The following CTPS2 variants were observed in gnomAD, a reference collection of about 807,000 sequenced individuals.
CTPS2 encodes the protein CTP synthase II.
A neutral mutation model predicts 46.8 loss-of-function variants in CTPS2; 19 were observed. The observed-to-expected ratio is 0.41, with a 90% CI of 0.28 to 0.60. The LOEUF is 0.60. CTPS2 is among the 20% of genes least tolerant of loss of function. The pLI, the probability that CTPS2 is intolerant of heterozygous loss-of-function variation, is 0.35. For synonymous variants in CTPS2, 151 were observed against 165.2 expected, an observed-to-expected ratio of 0.91 and a Z score of 0.66; for missense variants, 286 against 447.6, an observed-to-expected ratio of 0.64 and a Z score of 3.26.
At position 16,693,242 on chromosome X, in the gene CTPS2, C is replaced by T. The variant is rs746725933; in HGVS notation, c.556-18G>A. ...GCACTGAGCTGAAAAAAAATGGGGT[C>T]CCGTCAGCACACTGGACACTAGCTC... On this transcript the variant is annotated intron_variant, in intron 5 of 18. Coordinates refer to ENST00000359276, the MANE Select transcript of CTPS2 (RefSeq NM_175859.3). 8.6e-7 allele frequency: 1 copy of T among 1,168,700 alleles called. No homozygotes were observed. Among genetic ancestry groups the T allele is most frequent in the South Asian group, 1.8e-5 (1 of 55,930 alleles).
At chrX:16,631,907 G>A (rs1252448665) in intron 14 of CTPS2, among the ~76,000 whole-genome samples, 2 of 111,571 alleles carry the variant, frequency 1.8e-5, no homozygotes, top group African/African-American at 3.3e-5. Flanking sequence ...TCTTAAAACC[G>A]TCTATTAACT....
At chrX:16,629,382 G>A (rs112607002) in intron 14 of CTPS2, among the ~76,000 whole-genome samples, 1,444 of 111,930 alleles carry the variant, frequency 0.013, 20 homozygotes, top group African/African-American at 0.044. Flanking sequence ...TCGCCAAGTG[G>A]TATGCAGCTC....
At chrX:16,605,490 G>A (rs1427064985) in intron 17 of CTPS2, among the ~76,000 whole-genome samples, 1 of 111,899 alleles carries the variant, frequency 8.9e-6, no homozygotes, top group African/African-American at 3.3e-5. Context: ...GGGAGCCCGA[G>A]GCACACGGAT....
chrX:16,695,541 T>TA (rs1162252432), intron 4 of CTPS2, among the ~76,000 whole-genome samples: 2 of 111,648 alleles, frequency 1.8e-5, no homozygotes, highest in Admixed American at 9.6e-5. Context: ...TTTCTTTTTT[T>TA]ATTTTTATTT....
At chrX:16,695,828 G>A (rs1924087950) in intron 4 of CTPS2, among the ~76,000 whole-genome samples, 1 of 110,677 alleles carries the variant, frequency 9.0e-6, no homozygotes, top group East Asian at 2.9e-4. Context: ...TGGGATTACA[G>A]GCGTGAGCCA....
chrX:16,596,423 A>C (rs1393946887), intron 17 of CTPS2, among the ~76,000 whole-genome samples: 2 of 101,222 alleles, frequency 2.0e-5, no homozygotes, highest in Non-Finnish European at 3.9e-5. Context: ...TTTCCCACCT[A>C]TGAGTGAGAA....
chrX:16,611,984 C>G (rs1178174864), intron 16 of CTPS2, among the ~76,000 whole-genome samples: 1 of 111,415 alleles, frequency 9.0e-6, no homozygotes, highest in East Asian at 2.8e-4. Flanking sequence ...GAAAAAAAAG[C>G]AGACAGTAAC....
intron 13 of CTPS2, among the ~76,000 whole-genome samples, chrX:16,641,567 T>A (rs994123409): frequency 8.9e-6 from 1 of 111,745 alleles, no homozygotes; most frequent in African/African-American, 3.3e-5. Flanking sequence ...GACAATATGG[T>A]CTCTACAAAA....
Position 16,588,150 on chromosome X carries a change from G to A in CTPS2, c.*1667C>T, listed in dbSNP as rs2095410457. 2.1e-5 allele frequency: 2 copies of A among 95,118 alleles called. No homozygotes were observed. The highest frequency in any genetic ancestry group is 4.0e-5 in the Non-Finnish European group (2 of 49,470). 7.8% of individuals were successfully genotyped at this position (95,118 alleles called of 1,213,427 possible). A position where few individuals can be genotyped will look rare whatever the true frequency, so the allele number is the denominator to read the frequency against. On this transcript the variant is annotated 3_prime_UTR_variant, in exon 19 of 19. Coordinates refer to ENST00000359276, the MANE Select transcript of CTPS2 (RefSeq NM_175859.3). ...TTGGGCTCTCAATGCAATAGAAACT[G>A]ACATGGGGCCAAAAGACTTCCCAGA...
At chrX:16,603,442 A>G (rs1929789574) in intron 17 of CTPS2, among the ~76,000 whole-genome samples, 1 of 108,958 alleles carries the variant, frequency 9.2e-6, no homozygotes, top group African/African-American at 3.3e-5. Context: ...TAAATAAATA[A>G]ATAAATAAAT....
At chrX:16,685,024 G>C (rs1269558176) in intron 8 of CTPS2, among the ~76,000 whole-genome samples, 1 of 111,253 alleles carries the variant, frequency 9.0e-6, no homozygotes, top group African/African-American at 3.3e-5. Flanking sequence ...CCAGGAGGCA[G>C]GGGTTGCAGT....
intron 1 of CTPS2, among the ~76,000 whole-genome samples, chrX:16,708,269 T>C (rs1358469117): frequency 9.0e-6 from 1 of 111,567 alleles, no homozygotes; most frequent in Non-Finnish European, 1.9e-5. Flanking sequence ...TAGCTGACCA[T>C]GGTCAGGCTG....
intron 8 of CTPS2, among the ~76,000 whole-genome samples, chrX:16,687,912 A>G (rs1923371098): frequency 9.0e-6 from 1 of 111,128 alleles, no homozygotes; most frequent in African/African-American, 3.3e-5. Flanking sequence ...AATTGCCACT[A>G]GGTAGGCACT....
intron 10 of CTPS2, among the ~76,000 whole-genome samples, chrX:16,675,604 T>C (rs1303717146): frequency 8.9e-6 from 1 of 112,444 alleles, no homozygotes; most frequent in African/African-American, 3.2e-5. Context: ...AAAATTGTTG[T>C]AAGCCACAGA....
chrX:16,665,841 C>T (rs1216615833), intron 13 of CTPS2, among the ~76,000 whole-genome samples: 4 of 112,090 alleles, frequency 3.6e-5, no homozygotes, highest in African/African-American at 1.3e-4. Context: ...ACCAACGCCT[C>T]CTGGGTTCAA....
At chrX:16,704,277 T>C (rs1924821788) in intron 1 of CTPS2, among the ~76,000 whole-genome samples, 2 of 111,433 alleles carry the variant, frequency 1.8e-5, no homozygotes, top group Non-Finnish European at 1.9e-5. Flanking sequence ...TATTCCTTCA[T>C]CTGTAAAGTG....
At chrX:16,651,417 C>T (rs1932625092) in intron 13 of CTPS2, among the ~76,000 whole-genome samples, 1 of 111,880 alleles carries the variant, frequency 8.9e-6, no homozygotes, top group African/African-American at 3.3e-5. Flanking sequence ...GGAAGACCCA[C>T]AAGTCACCAA....
intron 13 of CTPS2, among the ~76,000 whole-genome samples, chrX:16,656,869 TTG>T (rs1409377643): frequency 9.5e-6 from 1 of 105,657 alleles, no homozygotes; most frequent in African/African-American, 3.4e-5. Flanking sequence ...CAGGGTTTTT[TTG>T]TGTTTTTTTG....
chrX:16,661,108 A>ACTACCAC (rs1041366601), intron 13 of CTPS2, among the ~76,000 whole-genome samples: 5 of 109,866 alleles, frequency 4.6e-5, no homozygotes, highest in African/African-American at 1.7e-4. Context: ...ACAGGCACCC[A>ACTACCAC]CTACCACGCT....
Sources: allele counts gnomAD v4.1 joint callset (sites outside exome capture counted in the v4.1 genomes callset), GRCh38; gene constraint gnomAD v4.1.1; transcripts MANE v1.5; gene names NCBI Gene and HGNC (gene_info 2026-07-23, HGNC 2026-07-21).